ZNF423: variants seen among roughly 807,000 people sequenced by gnomAD.
ZNF423 encodes the protein zinc finger protein 423, also known as Ebf-associated zinc finger protein.
ZNF423 carries 12 observed loss-of-function variants against 95.8 expected under a neutral mutation model. The ratio of observed to expected loss-of-function variants is 0.13; its 90% CI spans 0.08 to 0.20. The LOEUF is 0.20. Ranked by LOEUF, ZNF423 falls within the 10% of genes least tolerant of loss-of-function variation. The pLI, the probability that ZNF423 is intolerant of heterozygous loss-of-function variation, is 1.00. For missense variants in ZNF423, 1,316 were observed against 1,737.1 expected, an observed-to-expected ratio of 0.76 and a Z score of 4.31; for synonymous variants, 749 against 711.9, an observed-to-expected ratio of 1.05 and a Z score of -0.83.
chr16:49,754,683 C>T (rs1266951980), intron 2 of ZNF423, among the ~76,000 whole-genome samples: 2 of 152,220 alleles, frequency 1.3e-5, no homozygotes, highest in Non-Finnish European at 2.9e-5. Context: ...CCGGAGAAGC[C>T]GCCTGCATTT....
chr16:49,546,525 T>A (rs745965700), intron 5 of ZNF423, among the ~76,000 whole-genome samples: 18 of 152,162 alleles, frequency 1.2e-4, no homozygotes, highest in Non-Finnish European at 2.5e-4. Context: ...GTAGAGGACT[T>A]TATCAGATAG....
At chr16:49,704,748 C>G (rs2032298415) in intron 3 of ZNF423, among the ~76,000 whole-genome samples, 1 of 152,216 alleles carries the variant, frequency 6.6e-6, no homozygotes. Flanking sequence ...CACACACACA[C>G]ACCAGACTCC....
chr16:49,824,505 G>A lies in ZNF423; in HGVS notation c.40+31230C>T, dbSNP rs183515226. 4.6e-5 allele frequency among the ~76,000 whole-genome samples: 7 copies of A among 152,232 alleles called. No individual in the cohort carries two copies. In the East Asian group the frequency reaches 1.4e-3, roughly 29 times the overall value. ...CTGTTGCTAAGTGGTCTCAGGCCAGGAGAGAGAGCTACAGAGATGCTACAC... is the reference window on the plus strand; with the variant it reads ...CTGTTGCTAAGTGGTCTCAGGCCAGAAGAGAGAGCTACAGAGATGCTACAC... On this transcript the variant is annotated intron_variant, in intron 1 of 7. Coordinates refer to ENST00000563137, the MANE Select transcript of ZNF423 (RefSeq NM_001379286.1).
At chr16:49,782,190 G>C (rs1489892943) in intron 2 of ZNF423, among the ~76,000 whole-genome samples, 1 of 152,272 alleles carries the variant, frequency 6.6e-6, no homozygotes, top group East Asian at 1.9e-4. Context: ...TGATTCCAGA[G>C]AGTCTCCTCT....
In ZNF423 at chr16:49,821,430, T is replaced by C. The variant is rs576003299; in HGVS notation, c.41-31884A>G. Among the ~76,000 whole-genome samples, 227 of 152,240 alleles carry C rather than the reference T, an allele frequency of 1.5e-3. 1 individual carries two copies. Among genetic ancestry groups the C allele is most frequent in the Non-Finnish European group, 2.9e-3 (200 of 68,016 alleles). On this transcript the variant is annotated intron_variant, in intron 1 of 7. Transcript: ENST00000563137. ...GGCAGCAGATGATTGCCTCTGATTC[T>C]TCCCATTTCCAACTGATTCCATGCA...
intron 1 of ZNF423, among the ~76,000 whole-genome samples, chr16:49,793,673 G>A (rs941228291): frequency 3.9e-5 from 6 of 152,310 alleles, no homozygotes; most frequent in African/African-American, 9.6e-5. Flanking sequence ...GGGACAGCAC[G>A]TGAAGCAAGT....
At chr16:49,706,247 G>A (rs944162668) in intron 3 of ZNF423, among the ~76,000 whole-genome samples, 1 of 152,242 alleles carries the variant, frequency 6.6e-6, no homozygotes, top group African/African-American at 2.4e-5. Context: ...CATCAAAGGT[G>A]AAGCCAGTTT....
chr16:49,754,565 A>G (rs986175689), intron 2 of ZNF423, among the ~76,000 whole-genome samples: 1 of 152,106 alleles, frequency 6.6e-6, no homozygotes, highest in Admixed American at 6.5e-5. Context: ...CTCTTCCACT[A>G]TGAAAGCTGT....
At chr16:49,701,114 G>A (rs1596880305) in intron 3 of ZNF423, among the ~76,000 whole-genome samples, 1 of 152,344 alleles carries the variant, frequency 6.6e-6, no homozygotes, top group African/African-American at 2.4e-5. Flanking sequence ...ATGAAAAAAG[G>A]CAGCTTAAAT....
intron 1 of ZNF423, among the ~76,000 whole-genome samples, chr16:49,820,601 T>G (rs537574942): frequency 6.6e-6 from 1 of 152,218 alleles, no homozygotes; most frequent in East Asian, 1.9e-4. Flanking sequence ...ATAGATTTTG[T>G]GTGCACCTTG....
chr16:49,661,934 C>G (rs8058320), intron 3 of ZNF423, among the ~76,000 whole-genome samples: 69,289 of 152,052 alleles, frequency 0.46, 16,530 homozygotes, highest in African/African-American at 0.6. Context: ...GGGTTGTGCA[C>G]AGGATGAGAT....
At chr16:49,552,936 A>C (rs996229760) in intron 5 of ZNF423, among the ~76,000 whole-genome samples, 1 of 152,148 alleles carries the variant, frequency 6.6e-6, no homozygotes, top group African/African-American at 2.4e-5. Context: ...CCTGGAAACC[A>C]GCATTTATGG....
At position 49,856,099 on chromosome 16, in the gene ZNF423, C is replaced by G. The variant is rs1308588784; in HGVS notation, c.-325G>C. 8.4e-6 allele frequency: 1 copy of G among 118,646 alleles called. No individual in the cohort carries two copies. The highest frequency in any genetic ancestry group is 3.3e-5 in the African/African-American group (1 of 30,748). The allele number at this position is 118,646 out of a possible 1,614,324, so 7.3% of individuals were successfully genotyped here. A position where few individuals can be genotyped will look rare whatever the true frequency, so the allele number is the denominator to read the frequency against. On this transcript the variant is annotated 5_prime_UTR_variant, in exon 1 of 8. Coordinates refer to ENST00000563137, the MANE Select transcript of ZNF423 (RefSeq NM_001379286.1). ...GCGGGGAGTCCGGAGGCCACTCGGC[C>G]GAGCCGAGTTATGCAAAAAAAAAAA...
chr16:49,549,757 A>AT (rs1384865522), intron 5 of ZNF423, among the ~76,000 whole-genome samples: 2 of 152,224 alleles, frequency 1.3e-5, no homozygotes, highest in African/African-American at 4.8e-5. Context: ...TCACAGAGAG[A>AT]TTATGTAACT....
chr16:49,518,075 A>T (rs2151695366), intron 7 of ZNF423: 1 of 449,878 alleles, frequency 2.2e-6, no homozygotes, highest in Non-Finnish European at 4.4e-6. Context: ...CATAACCAGG[A>T]TCACACTGAC....
intron 3 of ZNF423, among the ~76,000 whole-genome samples, chr16:49,725,252 G>A (rs946369122): frequency 6.6e-6 from 1 of 152,130 alleles, no homozygotes; most frequent in South Asian, 2.1e-4. Context: ...AGGTATGGTG[G>A]GGCATGCCTG....
At chr16:49,834,930 G>C (rs755082490) in intron 1 of ZNF423, among the ~76,000 whole-genome samples, 3 of 152,052 alleles carry the variant, frequency 2.0e-5, no homozygotes, top group Non-Finnish European at 4.4e-5. Context: ...AGGCACCCAG[G>C]GGGAGGGGAC....
intron 1 of ZNF423, chr16:49,854,643 G>A (rs1229298361): frequency 1.0e-6 from 1 of 985,386 alleles, no homozygotes; most frequent in Non-Finnish European, 1.2e-6. Context: ...GCACCCAACC[G>A]AGGGGCTAGA....
At chr16:49,652,167 G>A (rs549339295) in intron 3 of ZNF423, among the ~76,000 whole-genome samples, 7 of 130,416 alleles carry the variant, frequency 5.4e-5, no homozygotes, top group South Asian at 2.8e-4. Flanking sequence ...TCCCTCCCCC[G>A]CCCCCACATG....
Sources: allele counts gnomAD v4.1 joint callset (sites outside exome capture counted in the v4.1 genomes callset), GRCh38; gene constraint gnomAD v4.1.1; transcripts MANE v1.5; gene names NCBI Gene and HGNC (gene_info 2026-07-23, HGNC 2026-07-21).